NLGN4X: variants seen among roughly 807,000 people sequenced by gnomAD.
The protein encoded by NLGN4X is neuroligin 4 X-linked.
NLGN4X carries 3 observed loss-of-function variants against 40.3 expected under a neutral mutation model. The ratio of observed to expected loss-of-function variants is 0.07; its 90% CI spans 0.03 to 0.19. The LOEUF is 0.19. NLGN4X is among the 10% of genes least tolerant of loss of function. The pLI is 1.00. For missense variants in NLGN4X, 382 were observed against 708.3 expected, an observed-to-expected ratio of 0.54 and a Z score of 5.23; for synonymous variants, 270 against 306.8, an observed-to-expected ratio of 0.88 and a Z score of 1.25.
intron 3 of NLGN4X, among the ~76,000 whole-genome samples, chrX:5,953,331 A>C (rs1315434588): frequency 9.0e-6 from 1 of 111,273 alleles, no homozygotes; most frequent in Non-Finnish European, 1.9e-5. Context: ...AGCTATCATC[A>C]CAAAACTGCA....
intron 3 of NLGN4X, among the ~76,000 whole-genome samples, chrX:6,000,300 A>ATTGGCGT (rs748516277): frequency 8.9e-6 from 1 of 112,532 alleles, no homozygotes. Context: ...CAAATAAAAT[A>ATTGGCGT]TTGGCGTTTG....
chrX:6,130,191 A>G (rs1256138076), intron 2 of NLGN4X, among the ~76,000 whole-genome samples: 1 of 111,904 alleles, frequency 8.9e-6, no homozygotes, highest in African/African-American at 3.2e-5. Context: ...CTTGGCCCCA[A>G]ATCTTTAAAA....
chrX:6,173,724 C>T (rs1258947330), intron 1 of NLGN4X, among the ~76,000 whole-genome samples: 1 of 111,872 alleles, frequency 8.9e-6, no homozygotes, highest in Non-Finnish European at 1.9e-5. Context: ...GTTAGTTGAA[C>T]CTTAGCATAA....
intron 2 of NLGN4X, among the ~76,000 whole-genome samples, chrX:6,049,460 T>C (rs1324188295): frequency 1.8e-5 from 2 of 108,344 alleles, no homozygotes; most frequent in Non-Finnish European, 3.8e-5. Flanking sequence ...AAACCACATA[T>C]TTCTTTAGCC....
intron 3 of NLGN4X, among the ~76,000 whole-genome samples, chrX:5,921,391 CAGAGAGAGAGAGAGAGAGAG>C (rs56879029): frequency 1.9e-5 from 1 of 53,088 alleles, no homozygotes; most frequent in Non-Finnish European, 3.6e-5. Flanking sequence ...GAAAATGAAC[CAGAGAGAGAGAGAGAGAGAG>C]AGAGAGAGAG....
At chrX:6,028,336 G>T (rs1433984595) in intron 3 of NLGN4X, among the ~76,000 whole-genome samples, 1 of 111,544 alleles carries the variant, frequency 9.0e-6, no homozygotes, top group African/African-American at 3.3e-5. Context: ...TGACTCTGAA[G>T]ATGTATAATT....
chrX:5,917,642 A>T (rs1164361317), intron 3 of NLGN4X, among the ~76,000 whole-genome samples: 1 of 112,157 alleles, frequency 8.9e-6, no homozygotes, highest in African/African-American at 3.2e-5. Flanking sequence ...AAGAAACAGC[A>T]TTGCGCTTGG....
Position 6,223,285 on chromosome X carries a change from G to A in NLGN4X, c.-306+5256C>T, listed in dbSNP as rs762785306. ...AAGATGTGGTGTATGGAGGTGTTCC[G>A]CACACACCTGGGACACGTGAACTGA... On this transcript the variant is annotated intron_variant, in intron 1 of 5. Transcript: ENST00000381095. Among the ~76,000 whole-genome samples, 77 of 110,694 alleles carry A rather than the reference G, an allele frequency of 7.0e-4. 1 individual carries two copies. Among genetic ancestry groups the A allele is most frequent in the African/African-American group, 2.3e-3 (70 of 30,405 alleles).
intron 3 of NLGN4X, among the ~76,000 whole-genome samples, chrX:5,952,977 C>A (rs889251780): frequency 7.2e-5 from 8 of 111,794 alleles, no homozygotes; most frequent in South Asian, 3.7e-4. Flanking sequence ...ATATAGGTAA[C>A]ACAAGGTCCC....
intron 3 of NLGN4X, among the ~76,000 whole-genome samples, chrX:5,918,132 A>G (rs1257327701): frequency 3.6e-5 from 4 of 110,760 alleles, no homozygotes; most frequent in Non-Finnish European, 7.5e-5. Context: ...TTCCATAGAT[A>G]TCTTGAAAAA....
At chrX:6,034,677 C>T (rs538531669) in intron 2 of NLGN4X, among the ~76,000 whole-genome samples, 9 of 105,538 alleles carry the variant, frequency 8.5e-5, no homozygotes, top group African/African-American at 3.1e-4. Flanking sequence ...TTGTTATAAC[C>T]ATACTAATGG....
intron 2 of NLGN4X, among the ~76,000 whole-genome samples, chrX:6,070,347 C>T (rs1423306580): frequency 1.8e-5 from 2 of 112,068 alleles, no homozygotes; most frequent in Non-Finnish European, 3.8e-5. Context: ...TTTAGAAGCA[C>T]ATAGTAGCCA....
rs571080633 is a variant in NLGN4X, at chrX:6,104,756, C to T, written c.472+46239G>A. Among the ~76,000 whole-genome samples, 55 of 111,483 alleles carry T rather than the reference C, an allele frequency of 4.9e-4. No individual in the cohort carries two copies. The South Asian group carries it at 0.02, about 40-fold the overall frequency. On this transcript the variant is annotated intron_variant, in intron 2 of 5. Transcript: ENST00000381095. Reference sequence around the variant, plus strand: ...GAAAGATCAGGAGTCCCTGAGATGGCAGAAAGAAACAGATGACAGACAGAT... The same window carrying T: ...GAAAGATCAGGAGTCCCTGAGATGGTAGAAAGAAACAGATGACAGACAGAT...
chrX:6,206,489 TATCAAAAAGA>T (rs1168795636), intron 1 of NLGN4X, among the ~76,000 whole-genome samples: 1 of 112,136 alleles, frequency 8.9e-6, no homozygotes, highest in African/African-American at 3.2e-5. Context: ...CTAGAGTTAC[TATCAAAAAGA>T]ATCACAAGGC....
intron 3 of NLGN4X, among the ~76,000 whole-genome samples, chrX:5,925,881 CATATATATAT>C (rs55860509): frequency 0.035 from 669 of 19,391 alleles, 8 homozygotes; most frequent in Non-Finnish European, 0.057. Flanking sequence ...TACATACACA[CATATATATAT>C]ATATATATAT....
intron 2 of NLGN4X, among the ~76,000 whole-genome samples, chrX:6,100,631 G>A (rs184161353): frequency 2.7e-5 from 3 of 111,436 alleles, no homozygotes; most frequent in East Asian, 2.8e-4. Flanking sequence ...TCAATGAGTG[G>A]GAATTAAACA....
At chrX:5,946,545 A>G (rs767071093) in intron 3 of NLGN4X, among the ~76,000 whole-genome samples, 1 of 111,406 alleles carries the variant, frequency 9.0e-6, no homozygotes, top group South Asian at 3.8e-4. Context: ...CATAGGAAAC[A>G]GAGAGGGGGC....
chrX:6,045,930 A>G (rs2037306577), intron 2 of NLGN4X, among the ~76,000 whole-genome samples: 1 of 111,799 alleles, frequency 8.9e-6, no homozygotes, highest in Admixed American at 9.5e-5. Context: ...CCTGCATATG[A>G]CTATCCAACA....
At position 6,212,758 on chromosome X, in the gene NLGN4X, C is replaced by T. The variant is rs112633717; in HGVS notation, c.-306+15783G>A. Among the ~76,000 whole-genome samples the T allele has an allele frequency of 8.7e-3, 971 of 111,897 alleles. 9 individuals carry two copies. Among genetic ancestry groups the T allele is most frequent in the African/African-American group, 0.027 (832 of 30,828 alleles). ...CATGAACCAGCAGGGCTGAGAGTTT[C>T]TCTAAGAGTCATTTACCATTGAGTC... On this transcript the variant is annotated intron_variant, in intron 1 of 5. Transcript: ENST00000381095.
Sources: allele counts gnomAD v4.1 joint callset (sites outside exome capture counted in the v4.1 genomes callset), GRCh38; gene constraint gnomAD v4.1.1; transcripts MANE v1.5; gene names NCBI Gene and HGNC (gene_info 2026-07-23, HGNC 2026-07-21).